The following ZNF407 variants were observed in gnomAD, a reference collection of about 807,000 sequenced individuals.
The protein encoded by ZNF407 is zinc finger protein 407.
ZNF407 carries 17 observed loss-of-function variants against 131.2 expected under a neutral mutation model. The ratio of observed to expected loss-of-function variants is 0.13; its 90% CI spans 0.09 to 0.19. The LOEUF (loss-of-function observed/expected upper bound fraction) is 0.19. Among genes scored for constraint, ZNF407 ranks in the 10% least tolerant of loss-of-function variants. ZNF407 has a pLI of 1.00. For synonymous variants in ZNF407, 1,156 were observed against 1,062.0 expected (o/e 1.09, Z -1.72); for missense variants, 2,681 against 2,830.6 (o/e 0.95, Z 1.20).
chr18:74,612,839 G>A (rs1259162412), intron 1 of ZNF407, among the ~76,000 whole-genome samples: 1 of 152,126 alleles, frequency 6.6e-6, no homozygotes, highest in African/African-American at 2.4e-5. Context: ...TGCCATGCAG[G>A]GTCAGAGGAA....
chr18:74,851,858 G>A (rs565326257), intron 4 of ZNF407, among the ~76,000 whole-genome samples: 102 of 152,256 alleles, frequency 6.7e-4, no homozygotes, highest in African/African-American at 2.4e-3. Context: ...TGGAATGTTC[G>A]GCTTGTACAG....
At chr18:74,750,958 C>A (rs1031621024) in intron 3 of ZNF407, among the ~76,000 whole-genome samples, 2 of 152,016 alleles carry the variant, frequency 1.3e-5, no homozygotes, top group African/African-American at 4.8e-5. Context: ...TTTTTATGTG[C>A]TTTATATTGC....
chr18:74,782,791 T>C (rs1289977300), intron 4 of ZNF407, among the ~76,000 whole-genome samples: 2 of 152,088 alleles, frequency 1.3e-5, no homozygotes, highest in East Asian at 1.9e-4. Flanking sequence ...GCTAATTTTT[T>C]TGTATTTTTA....
chr18:74,802,764 T>G (rs1970041115), intron 4 of ZNF407, among the ~76,000 whole-genome samples: 1 of 152,238 alleles, frequency 6.6e-6, no homozygotes, highest in Non-Finnish European at 1.5e-5. Flanking sequence ...TTAGTTTTAA[T>G]GCATATGCAT....
intron 8 of ZNF407, among the ~76,000 whole-genome samples, chr18:75,004,393 C>G (rs1972882925): frequency 1.3e-5 from 2 of 152,210 alleles, no homozygotes; most frequent in African/African-American, 4.8e-5. Flanking sequence ...TACCACGTCT[C>G]TGATTCTCAG....
intron 1 of ZNF407, among the ~76,000 whole-genome samples, chr18:74,603,654 T>C (rs1268787053): frequency 1.3e-5 from 2 of 152,224 alleles, no homozygotes; most frequent in Non-Finnish European, 2.9e-5. Flanking sequence ...TGTGAAACAA[T>C]AGATTCATTC....
At chr18:74,980,027 T>C (rs1442328968) in intron 8 of ZNF407, among the ~76,000 whole-genome samples, 1 of 152,156 alleles carries the variant, frequency 6.6e-6, no homozygotes, top group African/African-American at 2.4e-5. Context: ...ATACTGCGAA[T>C]ATTATATTTT....
At chr18:74,836,907 T>G (rs1970567126) in intron 4 of ZNF407, among the ~76,000 whole-genome samples, 1 of 152,144 alleles carries the variant, frequency 6.6e-6, no homozygotes, top group Admixed American at 6.5e-5. Flanking sequence ...CGACCCCACT[T>G]GCCCTGGGGA....
chr18:74,792,193 T>A (rs909733945), intron 4 of ZNF407, among the ~76,000 whole-genome samples: 1 of 152,040 alleles, frequency 6.6e-6, no homozygotes, highest in Non-Finnish European at 1.5e-5. Context: ...ACTAATTTTT[T>A]AAAAAAACAT....
chr18:74,885,992 T>G (rs758242645), intron 6 of ZNF407, among the ~76,000 whole-genome samples: 34 of 152,204 alleles, frequency 2.2e-4, no homozygotes, highest in Non-Finnish European at 4.6e-4. Flanking sequence ...GAAAACTTTA[T>G]AAAGTAAAAC....
At chr18:74,869,511 T>C (rs991346478) in intron 4 of ZNF407, among the ~76,000 whole-genome samples, 3 of 152,240 alleles carry the variant, frequency 2.0e-5, no homozygotes, top group Admixed American at 6.5e-5. Flanking sequence ...GTTTTAAAGC[T>C]GTGCAAGAAA....
At chr18:74,658,911 T>C (rs889630982) in intron 3 of ZNF407, among the ~76,000 whole-genome samples, 1 of 152,158 alleles carries the variant, frequency 6.6e-6, no homozygotes, top group Non-Finnish European at 1.5e-5. Context: ...TGAAGGAATT[T>C]AAAACATTAT....
At chr18:74,963,975 G>C (rs981002910) in intron 8 of ZNF407, among the ~76,000 whole-genome samples, 6 of 152,210 alleles carry the variant, frequency 3.9e-5, no homozygotes, top group Non-Finnish European at 1.5e-5. Flanking sequence ...GCTGCCTCTT[G>C]ACCTTGAGTG....
chr18:74,787,375 G>C (rs1969738798), intron 4 of ZNF407, among the ~76,000 whole-genome samples: 2 of 152,200 alleles, frequency 1.3e-5, no homozygotes, highest in Admixed American at 1.3e-4. Flanking sequence ...TAGATGATCT[G>C]TGGTTGCTTC....
intron 3 of ZNF407, among the ~76,000 whole-genome samples, chr18:74,654,565 T>C (rs1262300671): frequency 6.6e-6 from 1 of 151,826 alleles, no homozygotes; most frequent in Non-Finnish European, 1.5e-5. Context: ...GATTTAAGAA[T>C]GTGAGACTTT....
chr18:74,664,227 C>T (rs553626693), intron 3 of ZNF407, among the ~76,000 whole-genome samples: 4 of 152,234 alleles, frequency 2.6e-5, no homozygotes, highest in South Asian at 2.1e-4. Context: ...TTTGGCTGGG[C>T]GTGGTGGCTC....
At chr18:74,853,920 A>G (rs1302928717) in intron 4 of ZNF407, among the ~76,000 whole-genome samples, 1 of 152,184 alleles carries the variant, frequency 6.6e-6, no homozygotes, top group East Asian at 1.9e-4. Flanking sequence ...ATGGTAAAGA[A>G]TTGGGATTTT....
intron 3 of ZNF407, among the ~76,000 whole-genome samples, chr18:74,686,102 T>C (rs901492883): frequency 3.9e-5 from 6 of 152,188 alleles, no homozygotes; most frequent in Admixed American, 2.6e-4. Context: ...TAAGCCAGCC[T>C]TCCAGCCACT....
At chr18:75,034,939 C>T (rs1398263847) in intron 8 of ZNF407, among the ~76,000 whole-genome samples, 2 of 152,118 alleles carry the variant, frequency 1.3e-5, no homozygotes, top group Non-Finnish European at 2.9e-5. Context: ...GTTTGTGCTG[C>T]CATTTAATGC....
Sources: gnomAD v4.1 joint callset for allele counts (sites outside exome capture counted in the v4.1 genomes callset) on GRCh38, gnomAD v4.1.1 for gene constraint, MANE v1.5 for transcripts, NCBI Gene and HGNC (gene_info 2026-07-23, HGNC 2026-07-21) for gene names.